Variants in MRPS6 observed in about 807,000 individuals in gnomAD.
The protein encoded by MRPS6 is small ribosomal subunit protein bS6m.
MRPS6 carries 6 observed loss-of-function variants against 13.1 expected under a neutral mutation model. The ratio of observed to expected loss-of-function variants is 0.46; its 90% CI spans 0.25 to 0.91. The LOEUF (loss-of-function observed/expected upper bound fraction) is 0.91, where lower values mean the gene tolerates loss of function less well. MRPS6 is among the 40% of genes least tolerant of loss of function. The pLI is 0.18. For synonymous variants in MRPS6, 61 were observed against 56.5 expected, an observed-to-expected ratio of 1.08 and a Z score of -0.36; for missense variants, 164 against 155.6, an observed-to-expected ratio of 1.05 and a Z score of -0.29.
chr21:34,134,351 C>T (rs1049212325), intron 2 of MRPS6, among the ~76,000 whole-genome samples: 4 of 152,140 alleles, frequency 2.6e-5, no homozygotes, highest in African/African-American at 9.7e-5. Flanking sequence ...ATAGTGGATT[C>T]GTTTGTACCG....
chr21:34,104,316 T>C (rs943709675), intron 1 of MRPS6: 4 of 999,982 alleles, frequency 4.0e-6, no homozygotes, highest in Non-Finnish European at 4.8e-6. Flanking sequence ...TCTGTTAATG[T>C]GTGTGTAGAA....
chr21:34,109,159 A>G (rs1284001811), intron 1 of MRPS6, among the ~76,000 whole-genome samples: 4 of 151,892 alleles, frequency 2.6e-5, no homozygotes, highest in Non-Finnish European at 5.9e-5. Context: ...TTCTTGTCTT[A>G]TATCTTGTAT....
intron 1 of MRPS6, chr21:34,102,223 T>C (rs1188588382): frequency 1.0e-6 from 1 of 999,790 alleles, no homozygotes; most frequent in African/African-American, 1.7e-5. Context: ...TCAAAGTAAT[T>C]AACTGGCTTT....
At chr21:34,074,672 T>C (rs920264369) in intron 1 of MRPS6, among the ~76,000 whole-genome samples, 15 of 152,312 alleles carry the variant, frequency 9.8e-5, no homozygotes, top group African/African-American at 2.6e-4. Flanking sequence ...TTTGGTGTTA[T>C]GTTTTTTTTT....
intron 1 of MRPS6, among the ~76,000 whole-genome samples, chr21:34,085,663 G>A (rs1001409788): frequency 1.3e-5 from 2 of 149,516 alleles, no homozygotes; most frequent in Non-Finnish European, 1.5e-5. Context: ...TGCCAGTGGC[G>A]TGATCTCGGC....
rs187620597 is a variant in MRPS6, at chr21:34,102,248, C to T, written c.46-23093C>T. On this transcript the variant is annotated intron_variant, in intron 1 of 2. Transcript: ENST00000399312. ...TAACTGGCTTTGCCAGTGGTGAGTC[C>T]CACACCATTATTCACTTAGTAGTCA... 8 of 999,404 alleles carry T rather than the reference C, an allele frequency of 8.0e-6. No homozygotes were observed. In the African/African-American group the frequency reaches 1.4e-4, roughly 17 times the overall value. 61.9% of individuals were successfully genotyped at this position (999,404 alleles called of 1,614,324 possible). A position where few individuals can be genotyped will look rare whatever the true frequency, so the allele number is the denominator to read the frequency against.
chr21:34,091,159 G>A (rs912952360), intron 1 of MRPS6, among the ~76,000 whole-genome samples: 4 of 152,180 alleles, frequency 2.6e-5, no homozygotes, highest in Non-Finnish European at 1.5e-5. Flanking sequence ...TGGACTAGGC[G>A]TCTCAGATTG....
intron 2 of MRPS6, among the ~76,000 whole-genome samples, chr21:34,128,397 A>G (rs563800579): frequency 6.6e-6 from 1 of 152,190 alleles, no homozygotes; most frequent in Admixed American, 6.5e-5. Flanking sequence ...TATCACGTAC[A>G]TGCCCAGTAG....
intron 2 of MRPS6, among the ~76,000 whole-genome samples, chr21:34,139,791 T>G (rs1980846798): frequency 6.6e-6 from 1 of 152,142 alleles, no homozygotes; most frequent in South Asian, 2.1e-4. Context: ...TTGCCCAGGC[T>G]TTTCTCAGAC....
intron 2 of MRPS6, among the ~76,000 whole-genome samples, chr21:34,132,948 C>T (rs1980555266): frequency 1.3e-5 from 2 of 152,166 alleles, no homozygotes; most frequent in South Asian, 4.1e-4. Context: ...TTCTTAACTA[C>T]ATTAAATTGT....
At chr21:34,086,216 T>C (rs1018657244) in intron 1 of MRPS6, among the ~76,000 whole-genome samples, 1 of 152,116 alleles carries the variant, frequency 6.6e-6, no homozygotes, top group Non-Finnish European at 1.5e-5. Flanking sequence ...TCAGGTTTTG[T>C]TTTGTTTTGT....
chr21:34,125,605 G>C, intron 2 of MRPS6, 125 bp downstream of exon 2: 1 of 1,391,862 alleles, frequency 7.2e-7, no homozygotes, highest in South Asian at 1.4e-5. Flanking sequence ...GTGTCCTTTG[G>C]GTACACACTC....
At chr21:34,080,918 C>G (rs897800362) in intron 1 of MRPS6, among the ~76,000 whole-genome samples, 1 of 152,174 alleles carries the variant, frequency 6.6e-6, no homozygotes, top group Non-Finnish European at 1.5e-5. Flanking sequence ...TTGTATGTTA[C>G]CAGAAGTTGT....
At chr21:34,099,199 T>C (rs1979117376) in intron 1 of MRPS6, 1 of 999,956 alleles carries the variant, frequency 1.0e-6, no homozygotes, top group South Asian at 4.7e-5. Context: ...AGAATTTTTT[T>C]CTCAATTTTA....
chr21:34,139,272 C>T (rs931974759), intron 2 of MRPS6, among the ~76,000 whole-genome samples: 2 of 151,468 alleles, frequency 1.3e-5, no homozygotes, highest in Non-Finnish European at 1.5e-5. Flanking sequence ...ACCAGCATGG[C>T]ACATGTATAC....
chr21:34,084,009 C>T (rs2148654508), intron 1 of MRPS6, among the ~76,000 whole-genome samples: 1 of 152,300 alleles, frequency 6.6e-6, no homozygotes, highest in South Asian at 2.1e-4. Context: ...AATCCAGCTG[C>T]CTTTATAATC....
chr21:34,099,816 T>A, intron 1 of MRPS6: 5 of 651,880 alleles, frequency 7.7e-6, no homozygotes, highest in Non-Finnish European at 9.8e-6. Context: ...TTCTTGCCAG[T>A]ATAAACATCA....
chr21:34,142,603 A>C lies in MRPS6; in HGVS notation c.*3A>C. 1 of 1,593,698 alleles carries C rather than the reference A, an allele frequency of 6.3e-7. No individual in the cohort carries two copies. ...CCACAAAGAAGAGGAAGAAGTGAGA[A>C]GATTCGCCAGATTTTAGCCTTATAT... On this transcript the variant is annotated 3_prime_UTR_variant, in exon 3 of 3. Transcript: ENST00000399312.
intron 1 of MRPS6, among the ~76,000 whole-genome samples, chr21:34,082,543 C>T (rs1323985842): frequency 6.6e-6 from 1 of 151,462 alleles, no homozygotes; most frequent in Admixed American, 6.6e-5. Flanking sequence ...TTTTTTTTTG[C>T]TCAGAGTGTA....
Sources: gnomAD v4.1 joint callset for allele counts (sites outside exome capture counted in the v4.1 genomes callset) on GRCh38, gnomAD v4.1.1 for gene constraint, MANE v1.5 for transcripts, NCBI Gene and HGNC (gene_info 2026-07-23, HGNC 2026-07-21) for gene names.